HMGCS1: variants seen among roughly 807,000 people sequenced by gnomAD.
The protein encoded by HMGCS1 is 3-hydroxy-3-methylglutaryl-CoA synthase 1.
Under a neutral mutation model 52.3 loss-of-function variants are expected in HMGCS1, and 9 were observed. That is an observed-to-expected ratio of 0.17 (90% CI 0.10 to 0.30). The LOEUF is 0.30. HMGCS1 is among the 10% of genes least tolerant of loss of function. HMGCS1 has a pLI of 1.00. For missense variants in HMGCS1, 320 were observed against 620.9 expected (o/e 0.52, Z 5.15); for synonymous variants, 176 against 214.4 (o/e 0.82, Z 1.57).
Position 43,298,431 on chromosome 5 carries a change from G to T in HMGCS1, c.448+87C>A. On this transcript the variant is annotated intron_variant, in intron 3 of 10. Coordinates refer to ENST00000325110, the MANE Select transcript of HMGCS1 (RefSeq NM_001098272.3). This position sits in a 1 kb window ranked among gnomAD's most constrained non-coding sequence, Gnocchi z 5.6. ...ACAAGGACAAATTACAAAAGTTTGC[G>T]TATTGCATTAATTAAAGTGTCATCT... is the stretch of plus-strand genomic sequence containing the variant. The T allele has an allele frequency of 1.1e-6, 1 of 929,664 alleles. No individual in the cohort carries two copies. Among genetic ancestry groups the T allele is most frequent in the Non-Finnish European group, 1.7e-6 (1 of 602,880 alleles). The allele number at this position is 929,664 out of a possible 1,614,324, so 57.6% of individuals were successfully genotyped here.
chr5:43,302,882 G>A (rs1015303054), intron 2 of HMGCS1, among the ~76,000 whole-genome samples: 2 of 152,130 alleles, frequency 1.3e-5, no homozygotes, highest in Admixed American at 6.5e-5. Flanking sequence ...GATGTTTAAC[G>A]GAAAATTACA....
Position 43,291,092 on chromosome 5 carries a change from GC to G in HMGCS1, c.*38del. 6 of 477,536 alleles carry G rather than the reference GC, an allele frequency of 1.3e-5. No individual in the cohort carries two copies. Among genetic ancestry groups the G allele is most frequent in the Middle Eastern group, 3.9e-4 (1 of 2,588 alleles). 29.6% of individuals were successfully genotyped at this position (477,536 alleles called of 1,614,324 possible). A position where few individuals can be genotyped will look rare whatever the true frequency, so the allele number is the denominator to read the frequency against. ...AACTGTTCCCATACCCCCACCCCAT[GC>G]CCACCCCACCCTGAAGTCTTGCACC... On this transcript the variant is annotated 3_prime_UTR_variant, in exon 11 of 11. Coordinates refer to ENST00000325110, the MANE Select transcript of HMGCS1 (RefSeq NM_001098272.3).
intron 8 of HMGCS1, chr5:43,293,740 G>T: frequency 6.0e-6 from 1 of 167,950 alleles, no homozygotes; most frequent in Non-Finnish European, 1.2e-5. Context: ...TTTTGACAGA[G>T]TCTCGCTCTG....
In HMGCS1 at chr5:43,289,400, C is replaced by T. The variant is rs115155684; in HGVS notation, c.*1731G>A. On this transcript the variant is annotated 3_prime_UTR_variant, in exon 11 of 11. Transcript: ENST00000325110. ...AAAAAGAATACTCAAGTATCTGAAACATTTCTCTAAAACTTTATTTCAAAG... is the reference window on the plus strand; with the variant it reads ...AAAAAGAATACTCAAGTATCTGAAATATTTCTCTAAAACTTTATTTCAAAG... 316 of 152,702 alleles carry T rather than the reference C, an allele frequency of 2.1e-3. No homozygotes were observed. Among genetic ancestry groups the T allele is most frequent in the African/African-American group, 7.4e-3 (306 of 41,558 alleles). 9.5% of individuals were successfully genotyped at this position (152,702 alleles called of 1,614,324 possible).
intron 2 of HMGCS1, among the ~76,000 whole-genome samples, chr5:43,302,170 A>C (rs1579655672): frequency 6.6e-6 from 1 of 152,222 alleles, no homozygotes; most frequent in African/African-American, 2.4e-5. Context: ...ACTTAACACA[A>C]GATTCTTAAC....
chr5:43,291,076 C>T lies in HMGCS1; in HGVS notation c.*55G>A, dbSNP rs540202987. On this transcript the variant is annotated 3_prime_UTR_variant, in exon 11 of 11. Coordinates refer to ENST00000325110, the MANE Select transcript of HMGCS1 (RefSeq NM_001098272.3). The stretch of plus-strand genomic sequence containing the variant: ...GATATCCCATTCCTCCAACTGTTCC[C>T]ATACCCCCACCCCATGCCCACCCCA... 14 of 903,450 alleles carry T rather than the reference C, an allele frequency of 1.5e-5. No homozygotes were observed. The highest frequency in any genetic ancestry group is 2.8e-4 in the Middle Eastern group (1 of 3,572). 56.0% of individuals were successfully genotyped at this position (903,450 alleles called of 1,614,324 possible). A position where few individuals can be genotyped will look rare whatever the true frequency, so the allele number is the denominator to read the frequency against.
chr5:43,297,332 T>C (rs550548412), intron 4 of HMGCS1, among the ~76,000 whole-genome samples, 166 bp from the exon 5 acceptor site: 1 of 152,306 alleles, frequency 6.6e-6, no homozygotes, highest in East Asian at 1.9e-4. Context: ...AAATGATACA[T>C]AACAGTATCC....
Position 43,292,469 on chromosome 5 carries a change from T to C in HMGCS1, c.1473+5A>G, listed in dbSNP as rs1345154086. ...AGATATGGAGATGGGAACTCTTTTA[T>C]TTACCTCAGTTGCTATGTTTGAATG... is the stretch of plus-strand genomic sequence containing the variant. On this transcript the variant is annotated splice_donor_5th_base_variant and intron_variant, in intron 10 of 10. Coordinates refer to ENST00000325110, the MANE Select transcript of HMGCS1 (RefSeq NM_001098272.3). 2 of 1,612,680 alleles carry C rather than the reference T, an allele frequency of 1.2e-6. No individual in the cohort carries two copies.
chr5:43,299,233 T>C (rs1754184919), intron 2 of HMGCS1, among the ~76,000 whole-genome samples: 1 of 152,228 alleles, frequency 6.6e-6, no homozygotes, highest in Non-Finnish European at 1.5e-5. Context: ...ATTTAAAACA[T>C]GATTATTAGA....
rs940977406 is a variant in HMGCS1, at chr5:43,292,467, T to C, written c.1473+7A>G. On this transcript the variant is annotated splice_region_variant and intron_variant, in intron 10 of 10. Coordinates refer to ENST00000325110, the MANE Select transcript of HMGCS1 (RefSeq NM_001098272.3). Reference sequence around the variant, plus strand: ...TAAGATATGGAGATGGGAACTCTTTTATTTACCTCAGTTGCTATGTTTGAA... The same window carrying C: ...TAAGATATGGAGATGGGAACTCTTTCATTTACCTCAGTTGCTATGTTTGAA... 2.5e-6 allele frequency: 4 copies of C among 1,612,374 alleles called. No individual in the cohort carries two copies. The highest frequency in any genetic ancestry group is 3.4e-6 in the Non-Finnish European group (4 of 1,178,720).
chr5:43,298,130 C>A lies in HMGCS1; in HGVS notation c.453G>T (p.Arg151=). The change falls in exon 4 of 11, where the codon CGG becomes CGT. Residue 151 remains arginine, a synonymous_variant. Transcript: ENST00000325110. This position sits in a 1 kb window ranked among gnomAD's most constrained non-coding sequence, Gnocchi z 5.6. ...TATCTCCTGCAACTACCAGGGCATA[C>A]CGTCCTGAAAAATATTTTTTGTTAT... The part of the protein sequence containing the change: ...NWIESSSWDG[R]YALVVAGDIA... 1 of 1,605,120 alleles carries A rather than the reference C, an allele frequency of 6.2e-7. No individual in the cohort carries two copies. Among genetic ancestry groups the A allele is most frequent in the Non-Finnish European group, 8.5e-7 (1 of 1,177,332 alleles).
Position 43,298,861 on chromosome 5 carries a change from C to T in HMGCS1, c.105G>A (p.Glu35=). 6.2e-7 allele frequency: 1 copy of T among 1,614,188 alleles called. No homozygotes were observed. ...YFPSQYVDQA[E]LEKYDGVDAG... Reference sequence around the variant, plus strand: ...CATCTACACCATCATATTTTTCCAACTCTGCTTGATCAACATATTGAGAAG... The same window carrying T: ...CATCTACACCATCATATTTTTCCAATTCTGCTTGATCAACATATTGAGAAG... The change falls in exon 3 of 11, where the codon GAG becomes GAA. Residue 35 remains glutamate, a synonymous_variant. Coordinates refer to ENST00000325110, the MANE Select transcript of HMGCS1 (RefSeq NM_001098272.3). This position sits in a 1 kb window ranked among gnomAD's most constrained non-coding sequence, Gnocchi z 5.6.
At chr5:43,303,555 A>G (rs1445640654) in intron 2 of HMGCS1, among the ~76,000 whole-genome samples, 1 of 152,208 alleles carries the variant, frequency 6.6e-6, no homozygotes, top group Non-Finnish European at 1.5e-5. Context: ...ACCTAAGCAG[A>G]TTAAATAGTC....
Position 43,291,069 on chromosome 5 carries a change from C to T in HMGCS1, c.*62G>A, listed in dbSNP as rs994131777. On this transcript the variant is annotated 3_prime_UTR_variant, in exon 11 of 11. Transcript: ENST00000325110. ...ATCCCCAGATATCCCATTCCTCCAACTGTTCCCATACCCCCACCCCATGCC... is the reference window on the plus strand; with the variant it reads ...ATCCCCAGATATCCCATTCCTCCAATTGTTCCCATACCCCCACCCCATGCC... 10 of 920,526 alleles carry T rather than the reference C, an allele frequency of 1.1e-5. No individual in the cohort carries two copies. Among genetic ancestry groups the T allele is most frequent in the Middle Eastern group, 2.8e-4 (1 of 3,524 alleles). 57.0% of individuals were successfully genotyped at this position (920,526 alleles called of 1,614,324 possible).
intron 1 of HMGCS1, among the ~76,000 whole-genome samples, chr5:43,309,632 G>A (rs1754760859): frequency 6.6e-6 from 1 of 152,162 alleles, no homozygotes; most frequent in Non-Finnish European, 1.5e-5. Context: ...GATTCAGAAA[G>A]GATTGCTGTG....
chr5:43,293,595 G>C (rs1753885451), intron 8 of HMGCS1: 1 of 150,710 alleles, frequency 6.6e-6, no homozygotes, highest in African/African-American at 2.5e-5. Context: ...TTAGGGCAGA[G>C]AGTAAAAACC....
At chr5:43,313,037 G>A in intron 1 of HMGCS1, 1 of 152,766 alleles carries the variant, frequency 6.5e-6, no homozygotes, top group Non-Finnish European at 1.5e-5. Flanking sequence ...GGCGGTCACA[G>A]CTGCCTCTCT....
chr5:43,298,727 T>A lies in HMGCS1; in HGVS notation c.239A>T (p.Asn80Ile). ...CCCAATGCAATCATAGGAAAGGTTA[T>A]TTCTCTCCATAAGATTCTGAACCAC... ...MTVVQNLMERNNLSYDCIGRL... is the reference protein window; with the variant it reads ...MTVVQNLMERINLSYDCIGRL... Residue 80 changes from asparagine to isoleucine, a missense_variant, in exon 3 of 11, where the codon AAT becomes ATT. Asn to Ile is a moderately radical substitution (Grantham distance 149, BLOSUM62 -3). Coordinates refer to ENST00000325110, the MANE Select transcript of HMGCS1 (RefSeq NM_001098272.3). The surrounding 1 kb of genome is among the most constrained non-coding windows in gnomAD (Gnocchi z 5.6). 6.2e-7 allele frequency: 1 copy of A among 1,614,256 alleles called. No homozygotes were observed. Among genetic ancestry groups the A allele is most frequent in the Non-Finnish European group, 8.5e-7 (1 of 1,180,046 alleles).
intron 10 of HMGCS1, 117 bp from the exon 11 acceptor site, chr5:43,291,337 T>C: frequency 1.5e-6 from 1 of 673,588 alleles, no homozygotes; most frequent in Non-Finnish European, 2.7e-6. Context: ...GAGAAGTTTA[T>C]GCTAAATATA....
Sources: allele counts gnomAD v4.1 joint callset (sites outside exome capture counted in the v4.1 genomes callset), GRCh38; gene constraint gnomAD v4.1.1; non-coding constraint Gnocchi (gnomAD v3.1); transcripts MANE v1.5; gene names NCBI Gene and HGNC (gene_info 2026-07-23, HGNC 2026-07-21).